NRXN3: variants seen among roughly 807,000 people sequenced by gnomAD.
NRXN3 encodes neurexin III.
NRXN3 carries 32 observed loss-of-function variants against 137.6 expected under a neutral mutation model. The observed-to-expected ratio is 0.23, with a 90% CI of 0.18 to 0.31. The LOEUF (loss-of-function observed/expected upper bound fraction) is 0.31. Among genes scored for constraint, NRXN3 ranks in the 10% least tolerant of loss-of-function variants. NRXN3 has a pLI of 1.00. For missense variants in NRXN3, 1,574 were observed against 2,062.5 expected (o/e 0.76, Z 4.59); for synonymous variants, 798 against 784.5 (o/e 1.02, Z -0.29).
chr14:79,433,009 T>A (rs1405082032), intron 15 of NRXN3, among the ~76,000 whole-genome samples: 2 of 152,194 alleles, frequency 1.3e-5, no homozygotes, highest in Non-Finnish European at 2.9e-5. Flanking sequence ...AGTCATATAT[T>A]TCTTGTTACC....
At chr14:79,060,374 C>G (rs563805543) in intron 15 of NRXN3, among the ~76,000 whole-genome samples, 1 of 152,294 alleles carries the variant, frequency 6.6e-6, no homozygotes, top group East Asian at 1.9e-4. Context: ...GTCTTCTATA[C>G]TTATATCTGC....
At chr14:78,229,844 G>A (rs946977265) in intron 1 of NRXN3, among the ~76,000 whole-genome samples, 2 of 152,076 alleles carry the variant, frequency 1.3e-5, no homozygotes, top group African/African-American at 4.8e-5. Flanking sequence ...GTGAGGGTTG[G>A]TAGCACCATA....
intron 7 of NRXN3, among the ~76,000 whole-genome samples, chr14:78,713,831 T>A (rs2098419943): frequency 6.6e-6 from 1 of 152,162 alleles, no homozygotes; most frequent in South Asian, 2.1e-4. Flanking sequence ...GAGAACAACA[T>A]GGAGGTAATG....
intron 4 of NRXN3, among the ~76,000 whole-genome samples, chr14:78,475,408 G>A (rs968998448): frequency 6.6e-6 from 1 of 152,110 alleles, no homozygotes; most frequent in South Asian, 2.1e-4. Context: ...ATTGATTCAT[G>A]GTACCCAGAG....
chr14:78,759,486 A>G (rs1046995641), intron 8 of NRXN3, among the ~76,000 whole-genome samples: 5 of 152,230 alleles, frequency 3.3e-5, no homozygotes, highest in Non-Finnish European at 5.9e-5. Context: ...TTTTGATTAC[A>G]TAAATATATC....
chr14:78,880,949 C>T (rs968719264), intron 10 of NRXN3, among the ~76,000 whole-genome samples: 2 of 152,138 alleles, frequency 1.3e-5, no homozygotes, highest in South Asian at 4.1e-4. Context: ...ATGGGAGGGA[C>T]CCAGTGAGAA....
intron 15 of NRXN3, among the ~76,000 whole-genome samples, chr14:79,012,232 A>G (rs1465384816): frequency 2.0e-5 from 3 of 152,220 alleles, no homozygotes; most frequent in Admixed American, 6.5e-5. Flanking sequence ...GAGATGGCTG[A>G]AAGATAGTGT....
chr14:79,830,573 G>C (rs1458990193), intron 20 of NRXN3, among the ~76,000 whole-genome samples: 1 of 152,164 alleles, frequency 6.6e-6, no homozygotes, highest in African/African-American at 2.4e-5. Flanking sequence ...TTGCCTATAG[G>C]CCTGAGAGCC....
intron 6 of NRXN3, among the ~76,000 whole-genome samples, chr14:78,660,558 G>T (rs2097830725): frequency 6.6e-6 from 1 of 151,948 alleles, no homozygotes; most frequent in African/African-American, 2.4e-5. Flanking sequence ...TCCTGCTTTG[G>T]GCTAGAACTT....
chr14:79,269,566 A>G (rs750184631), intron 15 of NRXN3, among the ~76,000 whole-genome samples: 1 of 152,140 alleles, frequency 6.6e-6, no homozygotes, highest in Non-Finnish European at 1.5e-5. Context: ...TGTTGGTTAG[A>G]CAGAGCAAAG....
At chr14:78,990,814 G>C (rs2099517306) in intron 15 of NRXN3, among the ~76,000 whole-genome samples, 1 of 152,256 alleles carries the variant, frequency 6.6e-6, no homozygotes, top group Non-Finnish European at 1.5e-5. Flanking sequence ...TCCAATAATT[G>C]GTATTCAAGT....
intron 8 of NRXN3, among the ~76,000 whole-genome samples, chr14:78,768,524 G>C (rs2098716303): frequency 6.6e-6 from 1 of 152,074 alleles, no homozygotes; most frequent in African/African-American, 2.4e-5. Context: ...GTTGCATAAG[G>C]AATCACTACA....
intron 16 of NRXN3, among the ~76,000 whole-genome samples, chr14:79,561,921 T>C (rs989373436): frequency 6.6e-6 from 1 of 152,212 alleles, no homozygotes; most frequent in African/African-American, 2.4e-5. Context: ...TTTTATCCCA[T>C]TTGTTATCCC....
At chr14:78,944,184 A>G (rs570487362) in intron 10 of NRXN3, among the ~76,000 whole-genome samples, 1 of 152,294 alleles carries the variant, frequency 6.6e-6, no homozygotes, top group East Asian at 1.9e-4. Flanking sequence ...GACCAAAATT[A>G]TCTGAGAATG....
chr14:78,469,178 T>C (rs1464772799), intron 4 of NRXN3, among the ~76,000 whole-genome samples: 2 of 152,242 alleles, frequency 1.3e-5, no homozygotes, highest in Non-Finnish European at 2.9e-5. Context: ...GAAGGCCTGG[T>C]ATTTTTTTTA....
chr14:79,031,756 A>AT (rs2099608612), intron 15 of NRXN3, among the ~76,000 whole-genome samples: 2 of 152,170 alleles, frequency 1.3e-5, no homozygotes, highest in African/African-American at 4.8e-5. Flanking sequence ...ACAAGAGGGA[A>AT]TTGTAAACAG....
intron 15 of NRXN3, among the ~76,000 whole-genome samples, chr14:79,123,099 T>G (rs1673638938): frequency 6.6e-6 from 1 of 152,164 alleles, no homozygotes; most frequent in African/African-American, 2.4e-5. Context: ...AACAATTCAC[T>G]GTTTTGTAGG....
intron 4 of NRXN3, among the ~76,000 whole-genome samples, chr14:78,632,967 G>A (rs1407288751): frequency 6.6e-6 from 1 of 152,048 alleles, no homozygotes; most frequent in African/African-American, 2.4e-5. Flanking sequence ...TGGGCGTAGT[G>A]GCTCACGCAT....
chr14:79,261,645 T>TGTGTGGG (rs2077609054), intron 15 of NRXN3, among the ~76,000 whole-genome samples: 1 of 22,840 alleles, frequency 4.4e-5, no homozygotes, highest in Non-Finnish European at 8.3e-5. Flanking sequence ...GTGTGTGTGA[T>TGTGTGGG]GGGGTGGGGG....
Sources: gnomAD v4.1 joint callset for allele counts (sites outside exome capture counted in the v4.1 genomes callset) on GRCh38, gnomAD v4.1.1 for gene constraint, MANE v1.5 for transcripts, NCBI Gene and HGNC (gene_info 2026-07-23, HGNC 2026-07-21) for gene names.